The following GNG2 variants were observed in gnomAD, a reference collection of about 807,000 sequenced individuals.
GNG2 encodes G protein subunit gamma 2.
In GNG2, 5 loss-of-function variants were observed where a neutral mutation model predicts 5.5. That is an observed-to-expected ratio of 0.91 (90% CI 0.48 to 1.92). GNG2 has a LOEUF of 1.92. GNG2 is among the 30% of genes most tolerant of loss of function. GNG2 has a pLI of 0.01. For synonymous variants in GNG2, 28 were observed against 32.0 expected (o/e 0.88, Z 0.42); for missense variants, 55 against 88.4 (o/e 0.62, Z 1.52).
At chr14:51,910,908 C>G (rs886125906) in intron 2 of GNG2, among the ~76,000 whole-genome samples, 4 of 152,232 alleles carry the variant, frequency 2.6e-5, no homozygotes, top group African/African-American at 9.6e-5. Context: ...TATGGGTCAC[C>G]TGTCTACATG....
upstream of GNG2, among the ~76,000 whole-genome samples, chr14:51,855,762 T>A (rs1882126324): frequency 6.6e-6 from 1 of 152,182 alleles, no homozygotes; most frequent in African/African-American, 2.4e-5. Context: ...CTGGCTTTGC[T>A]GGCACAGCTG....
intron 3 of GNG2, among the ~76,000 whole-genome samples, chr14:51,964,817 C>T (rs1392724385): frequency 6.6e-6 from 1 of 152,168 alleles, no homozygotes; most frequent in Non-Finnish European, 1.5e-5. Context: ...TCAAGACCAG[C>T]ATGGGCAAAA....
In GNG2 at chr14:51,950,720, G is replaced by T. The variant is rs1488799451; in HGVS notation, c.42G>T (p.Lys14Asn). The stretch of plus-strand genomic sequence containing the variant: ...CCGCCAGCATAGCACAAGCCAGGAA[G>T]CTGGTAGAGCAGCTTAAGATGGAAG... Reference protein sequence around the residue: ...NNTASIAQARKLVEQLKMEAN... With the variant: ...NNTASIAQARNLVEQLKMEAN... Residue 14 changes from lysine (K) to asparagine (N), a missense_variant, in exon 3 of 4, where the codon AAG (lysine) becomes AAT (asparagine). Lys to Asn is a moderately conservative substitution (Grantham distance 94). Coordinates refer to ENST00000556766, the MANE Select transcript of GNG2 (RefSeq NM_053064.5). 1 of 1,612,236 alleles carries T rather than the reference G, an allele frequency of 6.2e-7. No individual in the cohort carries two copies. Among genetic ancestry groups the T allele is most frequent in the East Asian group, 2.2e-5 (1 of 44,722 alleles).
chr14:51,964,471 T>C (rs1390606920), intron 3 of GNG2, among the ~76,000 whole-genome samples: 1 of 152,170 alleles, frequency 6.6e-6, no homozygotes, highest in African/African-American at 2.4e-5. Context: ...CCTTCATTCT[T>C]AGGGGTTTGC....
intron 2 of GNG2, among the ~76,000 whole-genome samples, chr14:51,832,221 A>G (rs4901163): frequency 0.049 from 7,529 of 152,108 alleles, 715 homozygotes; most frequent in East Asian, 0.44. Flanking sequence ...TCAAGGCTGC[A>G]GTAAGCCATG....
At chr14:51,931,021 G>A (rs550124877) in intron 2 of GNG2, among the ~76,000 whole-genome samples, 3 of 152,062 alleles carry the variant, frequency 2.0e-5, no homozygotes, top group Non-Finnish European at 2.9e-5. Flanking sequence ...GCTTGAGCCC[G>A]GGATCCCAGG....
intron 2 of GNG2, among the ~76,000 whole-genome samples, chr14:51,905,297 G>T (rs2140188327): frequency 6.6e-6 from 1 of 152,230 alleles, no homozygotes; most frequent in African/African-American, 2.4e-5. Context: ...AAGTATATTT[G>T]TTTTACGTTT....
At chr14:51,948,993 C>T (rs1477756517) in intron 2 of GNG2, among the ~76,000 whole-genome samples, 2 of 151,938 alleles carry the variant, frequency 1.3e-5, no homozygotes. Flanking sequence ...TGGTGGCGGG[C>T]ACCTGTAGTC....
chr14:51,832,987 G>A (rs536505708), intron 2 of GNG2, among the ~76,000 whole-genome samples: 1 of 152,202 alleles, frequency 6.6e-6, no homozygotes, highest in African/African-American at 2.4e-5. Flanking sequence ...CAACAAGGAA[G>A]GTACACAATC....
intron 1 of GNG2, chr14:51,873,912 T>A (rs1233515063): frequency 1.3e-5 from 2 of 152,228 alleles, no homozygotes; most frequent in Admixed American, 6.5e-5. Flanking sequence ...ACAGTCATCT[T>A]GTAATGCAGG....
chr14:51,871,180 C>T lies in GNG2; in HGVS notation c.-70-6437C>T, dbSNP rs186649789. ...CCGTTTTTTTAAACCTCATGAATGACGGTTGTGTTTAGGGAACATTGCTGT... is the reference window on the plus strand; with the variant it reads ...CCGTTTTTTTAAACCTCATGAATGATGGTTGTGTTTAGGGAACATTGCTGT... On this transcript the variant is annotated intron_variant, in intron 1 of 3. Coordinates refer to ENST00000556766, the MANE Select transcript of GNG2 (RefSeq NM_053064.5). Among the ~76,000 whole-genome samples, 32 of 151,782 alleles carry T rather than the reference C, an allele frequency of 2.1e-4. No individual in the cohort carries two copies. In the East Asian group the frequency reaches 5.0e-3, roughly 24 times the overall value.
chr14:51,966,228 AAAAAAAAAAC>A (rs1238343937), intron 3 of GNG2, among the ~76,000 whole-genome samples: 1 of 149,380 alleles, frequency 6.7e-6, no homozygotes, highest in Non-Finnish European at 1.5e-5. Flanking sequence ...AAAAAAAAAA[AAAAAAAAAAC>A]AAATGAAGGA....
At chr14:51,839,519 C>A (rs1456105251) in intron 2 of GNG2, among the ~76,000 whole-genome samples, 1 of 152,078 alleles carries the variant, frequency 6.6e-6, no homozygotes, top group Non-Finnish European at 1.5e-5. Flanking sequence ...ACACAGTTCC[C>A]AGCTTGCCTT....
At chr14:51,917,843 C>A (rs1228364654) in intron 2 of GNG2, among the ~76,000 whole-genome samples, 1 of 151,958 alleles carries the variant, frequency 6.6e-6, no homozygotes, top group Non-Finnish European at 1.5e-5. Flanking sequence ...CTGGCCAACA[C>A]GTTGAAATCC....
chr14:51,945,770 G>C (rs1227318282), intron 2 of GNG2, among the ~76,000 whole-genome samples: 2 of 133,004 alleles, frequency 1.5e-5, no homozygotes, highest in African/African-American at 5.8e-5. Flanking sequence ...AGGGGTGTGT[G>C]CATGTATGTG....
At chr14:51,861,264 G>A (rs1261616508) in intron 1 of GNG2, 1 of 152,128 alleles carries the variant, frequency 6.6e-6, no homozygotes, top group Non-Finnish European at 1.5e-5. Flanking sequence ...TTTGTACTTA[G>A]ATTTTGCCAA....
chr14:51,888,007 A>G (rs536696722), intron 2 of GNG2, among the ~76,000 whole-genome samples: 1 of 152,324 alleles, frequency 6.6e-6, no homozygotes, highest in African/African-American at 2.4e-5. Flanking sequence ...ATTTAGGTAT[A>G]GTTGATATAC....
chr14:51,911,968 G>A (rs916942694), intron 2 of GNG2, among the ~76,000 whole-genome samples: 2 of 148,108 alleles, frequency 1.4e-5, no homozygotes, highest in African/African-American at 5.1e-5. Context: ...ATAGCTAATA[G>A]TGTCAGGCAC....
intron 2 of GNG2, among the ~76,000 whole-genome samples, chr14:51,888,411 T>C (rs1884610067): frequency 1.3e-5 from 2 of 152,082 alleles, no homozygotes; most frequent in African/African-American, 4.8e-5. Flanking sequence ...CTTGACCTCC[T>C]GGGCTTGAGC....
Sources: allele counts gnomAD v4.1 joint callset (sites outside exome capture counted in the v4.1 genomes callset), GRCh38; gene constraint gnomAD v4.1.1; transcripts MANE v1.5; gene names NCBI Gene and HGNC (gene_info 2026-07-23, HGNC 2026-07-21).